GRIA4: variants seen among roughly 807,000 people sequenced by gnomAD.
GRIA4 encodes the protein glutamate ionotropic receptor AMPA type subunit 4, also known as glutamate receptor 4.
GRIA4 carries 34 observed loss-of-function variants against 104.0 expected under a neutral mutation model. The observed-to-expected ratio is 0.33, with a 90% CI of 0.25 to 0.44. The LOEUF (loss-of-function observed/expected upper bound fraction) is 0.44. GRIA4 is among the 20% of genes least tolerant of loss of function. The pLI is 1.00. For synonymous variants in GRIA4, 386 were observed against 381.9 expected (o/e 1.01, Z -0.13); for missense variants, 750 against 1,096.5 (o/e 0.68, Z 4.46).
Position 105,879,331 on chromosome 11 carries a change from A to G in GRIA4, c.673-8188A>G, listed in dbSNP as rs964654550. On this transcript the variant is annotated intron_variant, in intron 5 of 16. Coordinates refer to ENST00000282499, the MANE Select transcript of GRIA4 (RefSeq NM_000829.4). ...GGAGTGGCAGACCGGAGCTGTTCCT[A>G]TTCGGCCATCTTGCCCAGGTCCCCG... Among the ~76,000 whole-genome samples the G allele has an allele frequency of 2.6e-5, 4 of 152,240 alleles. No individual in the cohort carries two copies. The East Asian group carries it at 7.7e-4, about 29-fold the overall frequency.
chr11:105,882,313 A>G (rs895448207), intron 5 of GRIA4, among the ~76,000 whole-genome samples: 1 of 152,214 alleles, frequency 6.6e-6, no homozygotes, highest in African/African-American at 2.4e-5. Context: ...GTGCCACTGC[A>G]TGTCTTTAGT....
At chr11:105,929,496 C>G (rs1295195441) in intron 13 of GRIA4, among the ~76,000 whole-genome samples, 1 of 152,126 alleles carries the variant, frequency 6.6e-6, no homozygotes, top group African/African-American at 2.4e-5. Flanking sequence ...AGAGTCTGTA[C>G]TTGTCACTTA....
At chr11:105,795,646 C>T (rs1272103181) in intron 4 of GRIA4, among the ~76,000 whole-genome samples, 1 of 151,944 alleles carries the variant, frequency 6.6e-6, no homozygotes, top group Admixed American at 6.6e-5. Context: ...CTGGAGAGAA[C>T]TGATTTGGAA....
At chr11:105,656,462 G>A (rs771111115) in intron 3 of GRIA4, among the ~76,000 whole-genome samples, 1 of 152,130 alleles carries the variant, frequency 6.6e-6, no homozygotes, top group Non-Finnish European at 1.5e-5. Context: ...CATAGGCATG[G>A]GCAAAGACTT....
chr11:105,748,748 G>A (rs570749127), intron 3 of GRIA4, among the ~76,000 whole-genome samples: 35 of 152,174 alleles, frequency 2.3e-4, no homozygotes, highest in Non-Finnish European at 4.6e-4. Flanking sequence ...AGGTTCAAGT[G>A]AGAGGAAAGA....
chr11:105,727,243 C>A (rs1044907087), intron 3 of GRIA4, among the ~76,000 whole-genome samples: 2 of 151,718 alleles, frequency 1.3e-5, no homozygotes, highest in Non-Finnish European at 2.9e-5. Context: ...GAAGCATACA[C>A]AGGATCAATA....
chr11:105,639,654 T>A (rs1004610560), intron 3 of GRIA4, among the ~76,000 whole-genome samples: 3 of 152,040 alleles, frequency 2.0e-5, no homozygotes, highest in Non-Finnish European at 4.4e-5. Context: ...ACCATGATCA[T>A]TATAAACTAA....
intron 15 of GRIA4, 84 bp downstream of exon 15, chr11:105,972,112 A>G: frequency 1.3e-6 from 1 of 785,336 alleles, no homozygotes; most frequent in Non-Finnish European, 2.2e-6. Flanking sequence ...GGAAACCATA[A>G]AAACTGAACA....
At chr11:105,873,224 T>C (rs1945683161) in intron 5 of GRIA4, among the ~76,000 whole-genome samples, 1 of 152,188 alleles carries the variant, frequency 6.6e-6, no homozygotes, top group Admixed American at 6.5e-5. Context: ...GGTTTCCAGC[T>C]TCATCCATGT....
At chr11:105,690,825 C>T (rs1202585076) in intron 3 of GRIA4, among the ~76,000 whole-genome samples, 1 of 152,030 alleles carries the variant, frequency 6.6e-6, no homozygotes, top group African/African-American at 2.4e-5. Flanking sequence ...TCAGATTCTG[C>T]TCACTTTTAA....
chr11:105,668,257 A>C (rs1262835912), intron 3 of GRIA4, among the ~76,000 whole-genome samples: 3 of 147,114 alleles, frequency 2.0e-5, no homozygotes, highest in Non-Finnish European at 4.5e-5. Context: ...ACTATATTAT[A>C]TATTCGACAT....
At chr11:105,686,463 C>G (rs2135480530) in intron 3 of GRIA4, among the ~76,000 whole-genome samples, 1 of 152,294 alleles carries the variant, frequency 6.6e-6, no homozygotes. Context: ...TTGTCTTTAT[C>G]TAGTCAACCC....
chr11:105,613,413 A>G (rs1463409804), intron 3 of GRIA4: 1 of 152,188 alleles, frequency 6.6e-6, no homozygotes, highest in Non-Finnish European at 1.5e-5. Context: ...GATAATGACT[A>G]TAGATTATTT....
chr11:105,885,515 G>T (rs1319958499), intron 5 of GRIA4, among the ~76,000 whole-genome samples: 2 of 152,214 alleles, frequency 1.3e-5, no homozygotes, highest in African/African-American at 4.8e-5. Flanking sequence ...ATGACAGGCA[G>T]CTGTGATGAA....
At position 105,693,893 on chromosome 11, in the gene GRIA4, T is replaced by A. The variant is rs113858798; in HGVS notation, c.248-59088T>A. 1.6e-3 allele frequency among the ~76,000 whole-genome samples: 244 copies of A among 152,274 alleles called. 3 individuals are homozygous for A. The highest frequency in any genetic ancestry group is 5.7e-3 in the African/African-American group (236 of 41,572). ...CTTAATTACAAAGACAGTTGAGTAG[T>A]TATGATTGTATGACTCAAAAAGCCT... On this transcript the variant is annotated intron_variant, in intron 3 of 16. Coordinates refer to ENST00000282499, the MANE Select transcript of GRIA4 (RefSeq NM_000829.4).
chr11:105,680,694 A>G (rs1446774230), intron 3 of GRIA4, among the ~76,000 whole-genome samples: 1 of 152,096 alleles, frequency 6.6e-6, no homozygotes, highest in Non-Finnish European at 1.5e-5. Flanking sequence ...AAGTGACTCA[A>G]TTTCTGATCT....
intron 4 of GRIA4, among the ~76,000 whole-genome samples, chr11:105,784,386 T>C (rs1428553900): frequency 6.6e-6 from 1 of 152,356 alleles, no homozygotes; most frequent in East Asian, 1.9e-4. Flanking sequence ...ATTTGATCAA[T>C]AGTGAATATT....
chr11:105,653,971 A>G (rs1399416995), intron 3 of GRIA4, among the ~76,000 whole-genome samples: 3 of 132,476 alleles, frequency 2.3e-5, no homozygotes, highest in African/African-American at 5.4e-5. Context: ...AAAATGTAGT[A>G]TGTATATGCA....
chr11:105,885,521 A>G (rs989233846), intron 5 of GRIA4, among the ~76,000 whole-genome samples: 1 of 152,240 alleles, frequency 6.6e-6, no homozygotes, highest in African/African-American at 2.4e-5. Flanking sequence ...GGCAGCTGTG[A>G]TGAAGGAAAT....
Sources: allele counts gnomAD v4.1 joint callset (sites outside exome capture counted in the v4.1 genomes callset), GRCh38; gene constraint gnomAD v4.1.1; transcripts MANE v1.5; gene names NCBI Gene and HGNC (gene_info 2026-07-23, HGNC 2026-07-21).